Variants in MLLT10 observed in about 807,000 individuals in gnomAD.
MLLT10 encodes the protein MLLT10 histone lysine methyltransferase DOT1L cofactor.
Under a neutral mutation model 129.1 loss-of-function variants are expected in MLLT10, and 30 were observed. That is an observed-to-expected ratio of 0.23 (90% CI 0.17 to 0.32). The LOEUF is 0.32. MLLT10 is among the 10% of genes least tolerant of loss of function. MLLT10 has a pLI of 1.00. For missense variants in MLLT10, 1,119 were observed against 1,268.3 expected, an observed-to-expected ratio of 0.88 and a Z score of 1.79; for synonymous variants, 490 against 446.4, an observed-to-expected ratio of 1.10 and a Z score of -1.23.
In MLLT10 at chr10:21,735,234, C is replaced by CAGTA. The variant is rs1327771024; in HGVS notation, c.2955+3_2955+6dup. 8 of 1,605,800 alleles carry CAGTA rather than the reference C, an allele frequency of 5.0e-6. No individual in the cohort carries two copies. Among genetic ancestry groups the CAGTA allele is most frequent in the Middle Eastern group, 1.7e-4 (1 of 6,040 alleles). On this transcript the variant is annotated frameshift_variant and splice_region_variant, in exon 21 of 23. Transcript: ENST00000307729. LOFTEE classifies it high-confidence loss of function. ...TTGTTAAATTCTCAACAGCTCACACCAGTAAGTTCTTTCTTTTGATAATAT... is the reference window on the plus strand; with the variant it reads ...TTGTTAAATTCTCAACAGCTCACACCAGTAAGTAAGTTCTTTCTTTTGATAATAT...
At chr10:21,604,960 G>A (rs1490669172) in intron 5 of MLLT10, among the ~76,000 whole-genome samples, 7 of 150,816 alleles carry the variant, frequency 4.6e-5, no homozygotes, top group Admixed American at 4.6e-4. Flanking sequence ...GTTATGATGA[G>A]CTTACATTCT....
chr10:21,659,251 A>G (rs371583799), intron 9 of MLLT10, among the ~76,000 whole-genome samples: 1 of 152,138 alleles, frequency 6.6e-6, no homozygotes, highest in Non-Finnish European at 1.5e-5. Flanking sequence ...TAAAACTATA[A>G]TTCAGGAGTA....
At chr10:21,602,481 C>G (rs1395171034) in intron 5 of MLLT10, among the ~76,000 whole-genome samples, 1 of 152,164 alleles carries the variant, frequency 6.6e-6, no homozygotes, top group Non-Finnish European at 1.5e-5. Flanking sequence ...TATACCACCT[C>G]TTCCCCACAG....
chr10:21,555,879 C>T (rs1003106131), intron 3 of MLLT10, among the ~76,000 whole-genome samples: 5 of 151,454 alleles, frequency 3.3e-5, no homozygotes, highest in Non-Finnish European at 7.4e-5. Context: ...GTTGGTCAGG[C>T]TGGTCTCGAA....
chr10:21,647,136 A>G (rs2048579540), intron 8 of MLLT10, among the ~76,000 whole-genome samples: 1 of 151,984 alleles, frequency 6.6e-6, no homozygotes, highest in African/African-American at 2.4e-5. Context: ...GATTACAGGC[A>G]TGAGCCGCTG....
At chr10:21,731,085 A>G in intron 17 of MLLT10, 31 bp downstream of exon 17, 1 of 1,576,402 alleles carries the variant, frequency 6.3e-7, no homozygotes, top group Non-Finnish European at 8.6e-7. Context: ...ATGTGAATCA[A>G]GACAGATGGG....
intron 14 of MLLT10, among the ~76,000 whole-genome samples, chr10:21,717,044 G>A (rs2131526945): frequency 6.6e-6 from 1 of 151,828 alleles, no homozygotes; most frequent in African/African-American, 2.4e-5. Context: ...ATCACCTGAG[G>A]TTAGGAGTTC....
At chr10:21,739,079 T>C (rs1366792040) in intron 21 of MLLT10, among the ~76,000 whole-genome samples, 1 of 152,182 alleles carries the variant, frequency 6.6e-6, no homozygotes, top group Non-Finnish European at 1.5e-5. Context: ...TCACCTCAGC[T>C]GATGGCAGCT....
At chr10:21,606,753 A>T (rs1215550382) in intron 5 of MLLT10, among the ~76,000 whole-genome samples, 2 of 152,216 alleles carry the variant, frequency 1.3e-5, no homozygotes, top group African/African-American at 2.4e-5. Flanking sequence ...TTGAGATAGA[A>T]TCTATTTCCT....
intron 5 of MLLT10, 118 bp from the exon 6 acceptor site, chr10:21,612,230 T>C (rs2044731861): frequency 1.8e-6 from 1 of 546,626 alleles, no homozygotes; most frequent in Non-Finnish European, 3.2e-6. Flanking sequence ...TGAATTCATA[T>C]TTTGAGTTAA....
rs2052722235 is a variant in MLLT10 at position 21,681,393 on chromosome 10, G to A, written c.1666+17G>A. On this transcript the variant is annotated intron_variant, in intron 12 of 22. Coordinates refer to ENST00000307729, the MANE Select transcript of MLLT10 (RefSeq NM_001195626.3). ...CAACAACTAGTAAGTTGTCAAACTG[G>A]GTTGATAACCCGGGCCTTTTGTCTC... 1.3e-6 allele frequency: 2 copies of A among 1,587,000 alleles called. No individual in the cohort carries two copies. Among genetic ancestry groups the A allele is most frequent in the African/African-American group, 1.4e-5 (1 of 74,050 alleles).
chr10:21,679,349 C>T (rs771472779), intron 11 of MLLT10, among the ~76,000 whole-genome samples: 4 of 152,188 alleles, frequency 2.6e-5, no homozygotes, highest in Non-Finnish European at 5.9e-5. Context: ...GAAGAGTTGA[C>T]AATCTGTCCT....
At chr10:21,738,796 C>T (rs2058593989) in intron 21 of MLLT10, among the ~76,000 whole-genome samples, 8 of 152,280 alleles carry the variant, frequency 5.3e-5, no homozygotes, top group Admixed American at 5.2e-4. Flanking sequence ...CCTAACTGGT[C>T]ATTCCTTTTT....
chr10:21,665,856 T>G (rs967984779), intron 9 of MLLT10, among the ~76,000 whole-genome samples: 3 of 151,998 alleles, frequency 2.0e-5, no homozygotes, highest in African/African-American at 7.2e-5. Flanking sequence ...GTCTCCTGAT[T>G]AGCTGAGACT....
chr10:21,571,256 G>A (rs180736821), intron 3 of MLLT10, among the ~76,000 whole-genome samples: 155 of 152,216 alleles, frequency 1.0e-3, no homozygotes, highest in Admixed American at 5.2e-3. Flanking sequence ...CCTTTACATT[G>A]CAAGTGCTGA....
chr10:21,701,590 T>A (rs1000133979), intron 13 of MLLT10, among the ~76,000 whole-genome samples: 7 of 152,004 alleles, frequency 4.6e-5, no homozygotes, highest in Non-Finnish European at 7.4e-5. Context: ...TTATTAAAAA[T>A]ATATATATAT....
intron 9 of MLLT10, among the ~76,000 whole-genome samples, chr10:21,657,747 AG>A (rs2049758750): frequency 1.3e-5 from 2 of 152,160 alleles, no homozygotes; most frequent in Non-Finnish European, 2.9e-5. Context: ...TTCTCTTTGC[AG>A]CATTTTTTAA....
chr10:21,560,308 T>G (rs560935702), intron 3 of MLLT10, among the ~76,000 whole-genome samples: 1 of 152,306 alleles, frequency 6.6e-6, no homozygotes, highest in East Asian at 1.9e-4. Flanking sequence ...CTGTTTGGCC[T>G]TTTGAGGAAC....
At chr10:21,565,222 A>G (rs1449106839) in intron 3 of MLLT10, among the ~76,000 whole-genome samples, 3 of 152,068 alleles carry the variant, frequency 2.0e-5, no homozygotes, top group African/African-American at 7.2e-5. Context: ...TTTGCATCAT[A>G]TACCTTTTTA....
Sources: gnomAD v4.1 joint callset for allele counts (sites outside exome capture counted in the v4.1 genomes callset) on GRCh38, gnomAD v4.1.1 for gene constraint, MANE v1.5 for transcripts, NCBI Gene and HGNC (gene_info 2026-07-23, HGNC 2026-07-21) for gene names.